PDLIM5: variants seen among roughly 807,000 people sequenced by gnomAD.
The protein encoded by PDLIM5 is PDZ and LIM domain 5, also known as PDZ and LIM domain protein 5.
PDLIM5 carries 34 observed loss-of-function variants against 64.2 expected under a neutral mutation model. That is an observed-to-expected ratio of 0.53 (90% CI 0.40 to 0.71). The LOEUF (loss-of-function observed/expected upper bound fraction) is 0.71. PDLIM5 is among the 30% of genes least tolerant of loss of function. The pLI, the probability that PDLIM5 is intolerant of heterozygous loss-of-function variation, is 0.00. For missense variants in PDLIM5, 683 were observed against 733.6 expected (o/e 0.93, Z 0.80); for synonymous variants, 253 against 269.1 (o/e 0.94, Z 0.59).
rs114413180 is a variant in PDLIM5, at chr4:94,499,604, G to A, written c.97-24120G>A. 6.1e-3 allele frequency among the ~76,000 whole-genome samples: 929 copies of A among 152,284 alleles called. 5 individuals are homozygous for A. The highest frequency in any genetic ancestry group is 0.01 in the Non-Finnish European group (684 of 68,022). ...TGATTTAAAGTATATAGGCAGATGC[G>A]TGTAGGTTATATACAAATACTATGC... On this transcript the variant is annotated intron_variant, in intron 2 of 12. Transcript: ENST00000317968.
chr4:94,649,104 T>C (rs1578541477), intron 9 of PDLIM5, among the ~76,000 whole-genome samples: 1 of 152,158 alleles, frequency 6.6e-6, no homozygotes, highest in South Asian at 2.1e-4. Flanking sequence ...GCCTCCCGAA[T>C]AGCTAAGACC....
intron 3 of PDLIM5, among the ~76,000 whole-genome samples, chr4:94,544,776 C>T (rs887445996): frequency 2.6e-5 from 4 of 152,328 alleles, no homozygotes; most frequent in Non-Finnish European, 4.4e-5. Context: ...ATGCCTCAGC[C>T]TCCCGAGTAG....
chr4:94,570,992 A>T (rs1734760315), intron 3 of PDLIM5, among the ~76,000 whole-genome samples: 1 of 152,198 alleles, frequency 6.6e-6, no homozygotes, highest in Non-Finnish European at 1.5e-5. Flanking sequence ...ACTAATGCGA[A>T]CATTCAGAAC....
At chr4:94,460,412 G>A (rs1560629701) in intron 2 of PDLIM5, among the ~76,000 whole-genome samples, 2 of 152,126 alleles carry the variant, frequency 1.3e-5, no homozygotes, top group Non-Finnish European at 2.9e-5. Flanking sequence ...GTTACTGGTA[G>A]GCAGGACTTT....
chr4:94,574,308 G>A (rs1486920258), intron 4 of PDLIM5, among the ~76,000 whole-genome samples: 2 of 152,008 alleles, frequency 1.3e-5, no homozygotes, highest in African/African-American at 4.8e-5. Flanking sequence ...GACCAGCCTG[G>A]CCAACATGGT....
Position 94,664,870 on chromosome 4 carries a change from C to A in PDLIM5, c.*803C>A, listed in dbSNP as rs1470961054. The A allele has an allele frequency of 3.5e-6, 3 of 868,126 alleles. No individual in the cohort carries two copies. Among genetic ancestry groups the A allele is most frequent in the Admixed American group, 6.3e-5 (1 of 15,972 alleles). 53.8% of individuals were successfully genotyped at this position (868,126 alleles called of 1,614,324 possible). On this transcript the variant is annotated 3_prime_UTR_variant, in exon 13 of 13. Transcript: ENST00000317968. ...GGGTGACAGAGTGAGACTCTGTCTC[C>A]AAAAAAAAACTTTGCTTGTATATTA...
rs1455632848 is a variant in PDLIM5, at chr4:94,601,062, A to G, written c.920+14618A>G. 2.0e-5 allele frequency among the ~76,000 whole-genome samples: 3 copies of G among 152,372 alleles called. No homozygotes were observed. The East Asian group carries it at 5.8e-4, about 29-fold the overall frequency. On this transcript the variant is annotated intron_variant, in intron 7 of 12. Coordinates refer to ENST00000317968, the MANE Select transcript of PDLIM5 (RefSeq NM_006457.5). ...GAGAAAATGGAAAATATCATCAAAG[A>G]GGAAATTCTTTCCCTAATACAAATG...
At chr4:94,459,722 A>T (rs1400962138) in intron 2 of PDLIM5, among the ~76,000 whole-genome samples, 2 of 152,200 alleles carry the variant, frequency 1.3e-5, no homozygotes, top group African/African-American at 4.8e-5. Context: ...AGTGTTTCTC[A>T]GTTTCAGTGG....
intron 2 of PDLIM5, among the ~76,000 whole-genome samples, chr4:94,498,519 T>G (rs1170650121): frequency 6.6e-6 from 1 of 152,242 alleles, no homozygotes; most frequent in Non-Finnish European, 1.5e-5. Context: ...AGCACATTTA[T>G]GAGAATTGTA....
intron 2 of PDLIM5, among the ~76,000 whole-genome samples, chr4:94,505,554 G>A (rs1172473215): frequency 1.3e-5 from 2 of 152,104 alleles, no homozygotes; most frequent in South Asian, 2.1e-4. Context: ...GAGCCACCAC[G>A]CATGGCTGGA....
chr4:94,622,108 C>G (rs180938027), intron 8 of PDLIM5, among the ~76,000 whole-genome samples: 25 of 152,284 alleles, frequency 1.6e-4, no homozygotes, highest in Non-Finnish European at 3.2e-4. Flanking sequence ...CACTCAAATT[C>G]TTCTGCCCTA....
intron 5 of PDLIM5, among the ~76,000 whole-genome samples, chr4:94,580,274 GT>G (rs1373041533): frequency 2.0e-5 from 3 of 152,038 alleles, no homozygotes; most frequent in African/African-American, 4.8e-5. Flanking sequence ...TGTACTAAAA[GT>G]TTTTTTGGCA....
intron 11 of PDLIM5, among the ~76,000 whole-genome samples, chr4:94,660,405 A>G (rs1742598473): frequency 6.6e-6 from 1 of 151,972 alleles, no homozygotes; most frequent in Admixed American, 6.6e-5. Flanking sequence ...TTCACGTTTC[A>G]TTGCAACTAT....
intron 2 of PDLIM5, among the ~76,000 whole-genome samples, chr4:94,484,908 A>G (rs1321295472): frequency 6.6e-6 from 1 of 152,160 alleles, no homozygotes. Flanking sequence ...TATTCCTAAT[A>G]TTTATCTTGA....
chr4:94,558,931 T>C (rs576485997), intron 3 of PDLIM5, among the ~76,000 whole-genome samples: 6 of 152,002 alleles, frequency 3.9e-5, no homozygotes, highest in African/African-American at 9.7e-5. Flanking sequence ...AAAGTAGTTA[T>C]GATAATTTTT....
intron 9 of PDLIM5, among the ~76,000 whole-genome samples, chr4:94,651,932 G>A (rs73834237): frequency 0.016 from 2,418 of 152,242 alleles, 65 homozygotes; most frequent in African/African-American, 0.055. Flanking sequence ...ATAATCCTGC[G>A]GGGTGCAGCA....
In PDLIM5 at chr4:94,656,645, A is replaced by T. The variant is rs574873785; in HGVS notation, c.1465-782A>T. ...TTTTATTATTTTTATTTATTTATTT[A>T]TTTTTTTGAGACGGAGTCTTGCTGT... On this transcript the variant is annotated intron_variant, in intron 10 of 12. Transcript: ENST00000317968. Among the ~76,000 whole-genome samples, 60 of 149,890 alleles carry T rather than the reference A, an allele frequency of 4.0e-4. No individual in the cohort carries two copies. In the South Asian group the frequency reaches 4.2e-3, roughly 10 times the overall value.
In PDLIM5 at chr4:94,534,057, A is replaced by G. The variant is rs1363806496; in HGVS notation, c.248+10182A>G. Among the ~76,000 whole-genome samples, 8 of 152,210 alleles carry G rather than the reference A, an allele frequency of 5.3e-5. No homozygotes were observed. The East Asian group carries it at 1.5e-3, about 29-fold the overall frequency. On this transcript the variant is annotated intron_variant, in intron 3 of 12. Coordinates refer to ENST00000317968, the MANE Select transcript of PDLIM5 (RefSeq NM_006457.5). ...AAATTATTGTCTAAACCAATAATTTATGGCCCATCTGGCAGGAAAGATAGT... is the reference window on the plus strand; with the variant it reads ...AAATTATTGTCTAAACCAATAATTTGTGGCCCATCTGGCAGGAAAGATAGT...
intron 7 of PDLIM5, among the ~76,000 whole-genome samples, chr4:94,593,230 C>T (rs1309786027): frequency 6.6e-6 from 1 of 152,134 alleles, no homozygotes; most frequent in African/African-American, 2.4e-5. Context: ...AAAGGCCTAG[C>T]AATTCAATGA....
Sources: allele counts gnomAD v4.1 joint callset (sites outside exome capture counted in the v4.1 genomes callset), GRCh38; gene constraint gnomAD v4.1.1; transcripts MANE v1.5; gene names NCBI Gene and HGNC (gene_info 2026-07-23, HGNC 2026-07-21).